Variants in ASAP1 observed in about 807,000 individuals in gnomAD.
ASAP1 encodes the protein ArfGAP with SH3 domain, ankyrin repeat and PH domain 1.
Under a neutral mutation model 145.2 loss-of-function variants are expected in ASAP1, and 43 were observed. The ratio of observed to expected loss-of-function variants is 0.30; its 90% CI spans 0.23 to 0.38. The LOEUF is 0.38. Ranked by LOEUF, ASAP1 falls within the 10% of genes least tolerant of loss-of-function variation. The pLI is 1.00. For missense variants in ASAP1, 1,018 were observed against 1,355.3 expected (o/e 0.75, Z 3.91); for synonymous variants, 546 against 515.5 (o/e 1.06, Z -0.80).
chr8:130,327,768 A>T (rs1315742178), intron 3 of ASAP1, among the ~76,000 whole-genome samples: 1 of 152,118 alleles, frequency 6.6e-6, no homozygotes, highest in African/African-American at 2.4e-5. Context: ...ATGAGGAGTG[A>T]CTCTGACAGT....
chr8:130,104,599 G>A (rs922989177), intron 24 of ASAP1, among the ~76,000 whole-genome samples: 5 of 152,190 alleles, frequency 3.3e-5, no homozygotes, highest in African/African-American at 1.2e-4. Context: ...GTGTACTCTC[G>A]TGGCAAAACT....
At chr8:130,339,691 C>G (rs753241139) in intron 3 of ASAP1, among the ~76,000 whole-genome samples, 1 of 152,132 alleles carries the variant, frequency 6.6e-6, no homozygotes, top group African/African-American at 2.4e-5. Context: ...AATAAAAGCA[C>G]TAACTTAAAG....
intron 3 of ASAP1, among the ~76,000 whole-genome samples, chr8:130,344,652 T>C (rs1825592915): frequency 6.6e-6 from 1 of 152,206 alleles, no homozygotes; most frequent in Non-Finnish European, 1.5e-5. Context: ...CGAGATCACT[T>C]GAGCCCAGGA....
chr8:130,359,642 A>G, intron 2 of ASAP1, among the ~76,000 whole-genome samples: 4 of 132,126 alleles, frequency 3.0e-5, no homozygotes, highest in Admixed American at 8.0e-5. Context: ...TTTGAGACGG[A>G]GTCTCGCTCT....
intron 5 of ASAP1, among the ~76,000 whole-genome samples, chr8:130,194,159 G>C (rs1336185535): frequency 3.9e-5 from 6 of 152,126 alleles, no homozygotes; most frequent in Admixed American, 2.6e-4. Context: ...CCAGTGACTA[G>C]TCAATGAAAA....
intron 6 of ASAP1, 75 bp from the exon 7 acceptor site, chr8:130,187,360 C>T: frequency 8.1e-7 from 1 of 1,238,628 alleles, no homozygotes; most frequent in Non-Finnish European, 1.2e-6. Flanking sequence ...GAAATGACAT[C>T]TTAGCAAGAA....
intron 3 of ASAP1, among the ~76,000 whole-genome samples, chr8:130,239,877 GCTTTT>G (rs1818424373): frequency 6.6e-6 from 1 of 152,136 alleles, no homozygotes; most frequent in Non-Finnish European, 1.5e-5. Flanking sequence ...GCCAGCCTAT[GCTTTT>G]TCAACCATGC....
intron 3 of ASAP1, among the ~76,000 whole-genome samples, chr8:130,335,059 T>C (rs1478251676): frequency 1.3e-5 from 2 of 152,226 alleles, no homozygotes; most frequent in Non-Finnish European, 2.9e-5. Context: ...GGATTAACGA[T>C]CACTGATTTA....
intron 18 of ASAP1, among the ~76,000 whole-genome samples, chr8:130,123,676 G>T (rs2097570118): frequency 6.6e-6 from 1 of 152,182 alleles, no homozygotes; most frequent in South Asian, 2.1e-4. Flanking sequence ...GCCCAGGCTG[G>T]AGTGCAGGGG....
chr8:130,112,485 G>C, intron 23 of ASAP1, 163 bp from the exon 24 acceptor site: 2 of 597,240 alleles, frequency 3.3e-6, no homozygotes, highest in Non-Finnish European at 6.0e-6. Flanking sequence ...ACAGTACAAG[G>C]GAAGGATCTA....
Position 130,159,860 on chromosome 8 carries a change from A to G in ASAP1, c.1010+4T>C, listed in dbSNP as rs1273446948. 1 of 1,611,242 alleles carries G rather than the reference A, an allele frequency of 6.2e-7. No homozygotes were observed. Among genetic ancestry groups the G allele is most frequent in the Non-Finnish European group, 8.5e-7 (1 of 1,177,420 alleles). On this transcript the variant is annotated splice_donor_region_variant and intron_variant, in intron 12 of 29. Transcript: ENST00000518721. ...CTGAGACACTGGGCTGGGCTCATAC[A>G]TACCCGTCACTTTTCTTTAGCAGGT...
chr8:130,395,244 C>T (rs574104330), intron 2 of ASAP1, among the ~76,000 whole-genome samples: 4 of 152,316 alleles, frequency 2.6e-5, no homozygotes, highest in Middle Eastern at 3.4e-3. Flanking sequence ...CAACAAGGCC[C>T]ACCATGCACC....
intron 2 of ASAP1, among the ~76,000 whole-genome samples, chr8:130,380,279 A>C (rs1404347999): frequency 6.6e-6 from 1 of 152,160 alleles, no homozygotes; most frequent in Non-Finnish European, 1.5e-5. Flanking sequence ...TAGAGAACAC[A>C]CCTCAGAGCT....
intron 3 of ASAP1, among the ~76,000 whole-genome samples, chr8:130,278,028 C>G (rs923839834): frequency 4.0e-5 from 6 of 151,638 alleles, no homozygotes; most frequent in African/African-American, 1.5e-4. Context: ...AGATTTATTT[C>G]CCTGTGCCAT....
At chr8:130,118,334 T>C in intron 19 of ASAP1, 88 bp from the exon 20 acceptor site, 10 of 1,406,182 alleles carry the variant, frequency 7.1e-6, no homozygotes, top group Non-Finnish European at 9.9e-6. Flanking sequence ...CAAGTAATTA[T>C]AAGGAGCACA....
Position 130,072,824 on chromosome 8 carries a change from T to TGTGTGTGCGCGCGCGCGC in ASAP1, c.2701+3523_2701+3524insGCGCGCGCGCGCACACAC. ...GTGTGTGTGTGTGTGTGTGTGTGTG[T>TGTGTGTGCGCGCGCGCGC]GCGCGCGGGGGGGGGCAGTTTTGGG... On this transcript the variant is annotated intron_variant, in intron 27 of 29. Coordinates refer to ENST00000518721, the MANE Select transcript of ASAP1 (RefSeq NM_018482.4). Among the ~76,000 whole-genome samples, 308 of 32,272 alleles carry TGTGTGTGCGCGCGCGCGC rather than the reference T, an allele frequency of 9.5e-3. 10 individuals carry two copies. Among genetic ancestry groups the TGTGTGTGCGCGCGCGCGC allele is most frequent in the South Asian group, 0.022 (13 of 586 alleles). The allele number at this position is 32,272 out of a possible 152,430, so 21.2% of individuals were successfully genotyped here.
intron 1 of ASAP1, among the ~76,000 whole-genome samples, chr8:130,428,478 C>CTGTCAT: frequency 1.1e-5 from 1 of 91,448 alleles, no homozygotes; most frequent in Non-Finnish European, 2.3e-5. Context: ...ACCACCACCA[C>CTGTCAT]CACCATCTTC....
chr8:130,130,766 A>G (rs2097581690), intron 15 of ASAP1, among the ~76,000 whole-genome samples: 1 of 152,178 alleles, frequency 6.6e-6, no homozygotes, highest in Non-Finnish European at 1.5e-5. Flanking sequence ...AAAAGCCACT[A>G]ACCACCATAG....
intron 27 of ASAP1, among the ~76,000 whole-genome samples, chr8:130,070,980 G>A (rs1409571074): frequency 5.7e-5 from 2 of 35,030 alleles, no homozygotes; most frequent in South Asian, 1.7e-3. Context: ...AGAGGGGGAG[G>A]GGGGGAGAGA....
Sources: gnomAD v4.1 joint callset for allele counts (sites outside exome capture counted in the v4.1 genomes callset) on GRCh38, gnomAD v4.1.1 for gene constraint, MANE v1.5 for transcripts, NCBI Gene and HGNC (gene_info 2026-07-23, HGNC 2026-07-21) for gene names.